The following RNF141 variants were observed in gnomAD, a reference collection of about 807,000 sequenced individuals.
RNF141 encodes C3HC4-like zinc finger protein.
In RNF141, 18 loss-of-function variants were observed where a neutral mutation model predicts 27.4. The ratio of observed to expected loss-of-function variants is 0.66; its 90% CI spans 0.45 to 0.97. The LOEUF is 0.97. Among genes scored for constraint, RNF141 ranks in the 50% least tolerant of loss-of-function variants. The pLI is 0.00. For missense variants in RNF141, 230 were observed against 279.4 expected (o/e 0.82, Z 1.26); for synonymous variants, 97 against 96.6 (o/e 1.00, Z -0.02).
chr11:10,523,742 C>A (rs1444167124), intron 4 of RNF141, among the ~76,000 whole-genome samples: 1 of 78,816 alleles, frequency 1.3e-5, no homozygotes, highest in Admixed American at 1.4e-4. Context: ...AAGACTGTAA[C>A]AAGAAAAAAA....
intron 5 of RNF141, chr11:10,516,714 T>C (rs955042686): frequency 6.6e-6 from 1 of 152,206 alleles, no homozygotes; most frequent in African/African-American, 2.4e-5. Flanking sequence ...ATACTGCCTG[T>C]TTCACCAGCC....
intron 1 of RNF141, among the ~76,000 whole-genome samples, chr11:10,538,102 G>A (rs1274483827): frequency 2.0e-5 from 3 of 152,294 alleles, no homozygotes; most frequent in South Asian, 2.1e-4. Flanking sequence ...AATAGAAAAT[G>A]ATCCCCTTTG....
chr11:10,514,876 T>G lies in RNF141; in HGVS notation c.*40A>C. On this transcript the variant is annotated 3_prime_UTR_variant, in exon 6 of 6. Transcript: ENST00000265981. Reference sequence around the variant, plus strand: ...TACATTCTTCCCCCATGACCAAATATTTGAGCCCACAATAGCAACAGAAGA... The same window carrying G: ...TACATTCTTCCCCCATGACCAAATAGTTGAGCCCACAATAGCAACAGAAGA... 6.4e-7 allele frequency: 1 copy of G among 1,568,202 alleles called. No homozygotes were observed. The highest frequency in any genetic ancestry group is 1.2e-5 in the South Asian group (1 of 83,642).
chr11:10,523,470 C>A (rs1454319013), intron 4 of RNF141, among the ~76,000 whole-genome samples: 1 of 152,196 alleles, frequency 6.6e-6, no homozygotes, highest in Non-Finnish European at 1.5e-5. Flanking sequence ...ACACTCATCA[C>A]AATTCTATAC....
intron 1 of RNF141, 57 bp from the exon 2 acceptor site, chr11:10,534,262 C>T: frequency 8.0e-7 from 1 of 1,251,500 alleles, no homozygotes; most frequent in Non-Finnish European, 1.1e-6. Context: ...GCAATATACT[C>T]ATTCTTCAAA....
chr11:10,529,508 A>G (rs1483709782), intron 3 of RNF141, among the ~76,000 whole-genome samples: 1 of 152,232 alleles, frequency 6.6e-6, no homozygotes, highest in Non-Finnish European at 1.5e-5. Context: ...AAGAATGCAG[A>G]GCAAAAGAAG....
chr11:10,540,343 G>C (rs181711647), intron 1 of RNF141, among the ~76,000 whole-genome samples: 4 of 152,072 alleles, frequency 2.6e-5, no homozygotes, highest in African/African-American at 4.8e-5. Context: ...AATATAAAAG[G>C]TACACTACCT....
intron 4 of RNF141, among the ~76,000 whole-genome samples, chr11:10,524,087 C>A (rs754014752): frequency 2.0e-5 from 3 of 151,940 alleles, no homozygotes; most frequent in Non-Finnish European, 4.4e-5. Flanking sequence ...AAGAATGAAC[C>A]AGAAAATGCA....
At chr11:10,522,353 C>A (rs188199671) in intron 4 of RNF141, among the ~76,000 whole-genome samples, 28 of 152,292 alleles carry the variant, frequency 1.8e-4, no homozygotes, top group African/African-American at 6.3e-4. Flanking sequence ...ATGGGAGATA[C>A]AGAAATAGCC....
chr11:10,531,592 C>T (rs1849987359), intron 2 of RNF141, among the ~76,000 whole-genome samples: 1 of 152,100 alleles, frequency 6.6e-6, no homozygotes, highest in East Asian at 1.9e-4. Context: ...ACTGTCCTCC[C>T]CTAGCAGAGT....
chr11:10,536,322 T>TA (rs1850034354), intron 1 of RNF141, among the ~76,000 whole-genome samples: 1 of 151,980 alleles, frequency 6.6e-6, no homozygotes, highest in Non-Finnish European at 1.5e-5. Flanking sequence ...AGGTAATTTT[T>TA]AAAAAGGCCA....
In RNF141 at chr11:10,529,851, C is replaced by G. The variant is rs137961212; in HGVS notation, c.252+792G>C. On this transcript the variant is annotated intron_variant, in intron 3 of 5. Transcript: ENST00000265981. ...ATCTGAATAAACTGGAAGCAAAACA[C>G]AGTATGGGTAAAACTGACAATCTAC... 2.2e-3 allele frequency among the ~76,000 whole-genome samples: 336 copies of G among 152,204 alleles called. 1 individual carries two copies. Among genetic ancestry groups the G allele is most frequent in the Non-Finnish European group, 2.5e-3 (167 of 68,018 alleles).
chr11:10,530,804 A>G, intron 2 of RNF141, 53 bp from the exon 3 acceptor site: 2 of 1,052,642 alleles, frequency 1.9e-6, no homozygotes, highest in South Asian at 3.4e-5. Flanking sequence ...TATTAATAAA[A>G]TAATACAGCC....
intron 4 of RNF141, among the ~76,000 whole-genome samples, chr11:10,523,966 A>G (rs1464097969): frequency 6.6e-6 from 1 of 152,254 alleles, no homozygotes; most frequent in African/African-American, 2.4e-5. Flanking sequence ...TATCAGTAAC[A>G]CTTGTATAGA....
chr11:10,532,735 T>C (rs943978683), intron 2 of RNF141, among the ~76,000 whole-genome samples: 2 of 152,198 alleles, frequency 1.3e-5, no homozygotes, highest in Non-Finnish European at 2.9e-5. Flanking sequence ...ATGTCTCTTA[T>C]CACCTAACAC....
At chr11:10,528,771 A>G (rs561337941) in intron 3 of RNF141, among the ~76,000 whole-genome samples, 4 of 152,338 alleles carry the variant, frequency 2.6e-5, no homozygotes, top group African/African-American at 7.2e-5. Context: ...CACTTAATAT[A>G]TACTGAGTTC....
chr11:10,534,224 A>T lies in RNF141; in HGVS notation c.-47-19T>A. On this transcript the variant is annotated intron_variant, in intron 1 of 5. Coordinates refer to ENST00000265981, the MANE Select transcript of RNF141 (RefSeq NM_016422.4). ...ATAGTTTCTGTCAAATATACAGAAA[A>T]GTTACTTTTACATATTATACAAAAA... is the stretch of plus-strand genomic sequence containing the variant. The T allele has an allele frequency of 6.5e-7, 1 of 1,535,320 alleles. No homozygotes were observed. The highest frequency in any genetic ancestry group is 8.8e-7 in the Non-Finnish European group (1 of 1,131,396).
chr11:10,534,292 G>C, intron 1 of RNF141, 87 bp from the exon 2 acceptor site: 1 of 927,712 alleles, frequency 1.1e-6, no homozygotes, highest in African/African-American at 1.7e-5. Flanking sequence ...AAAAACTAGG[G>C]ATACCTTTAA....
At chr11:10,527,564 G>A (rs529898397) in intron 3 of RNF141, among the ~76,000 whole-genome samples, 8 of 151,710 alleles carry the variant, frequency 5.3e-5, no homozygotes, top group Admixed American at 3.3e-4. Flanking sequence ...GTAGATAGAC[G>A]GTGAGGTGGG....
Sources: allele counts gnomAD v4.1 joint callset (sites outside exome capture counted in the v4.1 genomes callset), GRCh38; gene constraint gnomAD v4.1.1; transcripts MANE v1.5; gene names NCBI Gene and HGNC (gene_info 2026-07-23, HGNC 2026-07-21).